ACO2: variants seen among roughly 807,000 people sequenced by gnomAD.
The protein encoded by ACO2 is aconitate hydratase, mitochondrial.
A neutral mutation model predicts 84.5 loss-of-function variants in ACO2; 31 were observed. The ratio of observed to expected loss-of-function variants is 0.37; its 90% CI spans 0.28 to 0.50. The LOEUF is 0.50. Ranked by LOEUF, ACO2 falls within the 20% of genes least tolerant of loss-of-function variation. The probability of loss-of-function intolerance (pLI) is 0.97; values close to 1 mark genes in which losing one functional copy is unlikely to be tolerated. For synonymous variants in ACO2, 414 were observed against 412.7 expected (o/e 1.00, Z -0.04); for missense variants, 685 against 1,029.3 (o/e 0.67, Z 4.58).
chr22:41,493,028 G>A (rs1395441318), intron 1 of ACO2, among the ~76,000 whole-genome samples: 1 of 152,192 alleles, frequency 6.6e-6, no homozygotes, highest in Admixed American at 6.5e-5. Flanking sequence ...TGCATCTGGT[G>A]AGGGCCATCA....
intron 4 of ACO2, chr22:41,512,264 A>G: frequency 3.0e-6 from 1 of 336,734 alleles, no homozygotes. Context: ...AAGCATCTCT[A>G]TTCCCATAAA....
chr22:41,518,589 C>T lies in ACO2; in HGVS notation c.1032+17C>T, dbSNP rs203319. On this transcript the variant is annotated intron_variant, in intron 8 of 17. Coordinates refer to ENST00000216254, the MANE Select transcript of ACO2 (RefSeq NM_001098.3). Reference sequence around the variant, plus strand: ...CTCAGTGAGGTGAGGAGACAATTAACTGGGTTCAAGAAGTTTCTGAGAGTA... The same window carrying T: ...CTCAGTGAGGTGAGGAGACAATTAATTGGGTTCAAGAAGTTTCTGAGAGTA... The T allele has an allele frequency of 0.26, 416,809 of 1,596,706 alleles. 66,512 individuals carry two copies. The highest frequency in any genetic ancestry group is 0.6 in the Admixed American group (36,008 of 59,880).
At chr22:41,490,125 C>G (rs1473198789) in intron 1 of ACO2, among the ~76,000 whole-genome samples, 1 of 152,116 alleles carries the variant, frequency 6.6e-6, no homozygotes, top group Non-Finnish European at 1.5e-5. Flanking sequence ...GAGTTCAAGA[C>G]CAGCCTGGCA....
chr22:41,494,824 C>T (rs973658170), intron 1 of ACO2, among the ~76,000 whole-genome samples: 3 of 151,888 alleles, frequency 2.0e-5, no homozygotes, highest in African/African-American at 7.3e-5. Flanking sequence ...ACCTCTGCCT[C>T]CTGGGTTCAA....
Position 41,515,489 on chromosome 22 carries a change from C to T in ACO2, c.638C>T (p.Ala213Val). The change falls in exon 5 of 18, where the codon GCT becomes GTT. Residue 213 changes from alanine to valine, a missense_variant. Physicochemically the swap from Ala to Val is moderately conservative, Grantham distance 64. Transcript: ENST00000216254. This position sits in a 1 kb window ranked among gnomAD's most constrained non-coding sequence, Gnocchi z 5.8. ...GICIGVGGAD[A>V]VDVMAGIPWE... ...TGCATTGGAGTTGGGGGTGCCGATGCTGTGGATGTCATGGCTGGGATCCCC... is the reference window on the plus strand; with the variant it reads ...TGCATTGGAGTTGGGGGTGCCGATGTTGTGGATGTCATGGCTGGGATCCCC... The T allele has an allele frequency of 6.2e-7, 1 of 1,613,712 alleles. No individual in the cohort carries two copies.
At chr22:41,518,270 C>T (rs537164127) in intron 7 of ACO2, among the ~76,000 whole-genome samples, 3 of 152,332 alleles carry the variant, frequency 2.0e-5, no homozygotes, top group East Asian at 1.9e-4. Flanking sequence ...CCTTAGCTGG[C>T]GCTCCTCCTC....
intron 1 of ACO2, among the ~76,000 whole-genome samples, chr22:41,482,641 G>T (rs2038102606): frequency 6.6e-6 from 1 of 152,218 alleles, no homozygotes; most frequent in Non-Finnish European, 1.5e-5. Context: ...GATTTGAAGG[G>T]CTGGTTGTGG....
At chr22:41,499,983 C>A in intron 2 of ACO2, 121 bp downstream of exon 2, 1 of 1,322,570 alleles carries the variant, frequency 7.6e-7, no homozygotes, top group Non-Finnish European at 1.1e-6. Flanking sequence ...TCAAGGTATT[C>A]AAGGTACAAA....
chr22:41,526,809 G>A (rs144117265), intron 15 of ACO2: 101 of 322,912 alleles, frequency 3.1e-4, no homozygotes, highest in Admixed American at 2.5e-3. Context: ...AGGGTCTGAG[G>A]TGATTGGACT....
chr22:41,506,406 C>T (rs1166399817), intron 2 of ACO2, among the ~76,000 whole-genome samples: 1 of 152,168 alleles, frequency 6.6e-6, no homozygotes, highest in African/African-American at 2.4e-5. Flanking sequence ...GCGCCCGCCA[C>T]CACGCCTGGC....
chr22:41,478,448 A>AAACCCTTTC (rs1327803777), intron 1 of ACO2, among the ~76,000 whole-genome samples: 1 of 152,196 alleles, frequency 6.6e-6, no homozygotes, highest in Non-Finnish European at 1.5e-5. Flanking sequence ...CTGGCCAAGA[A>AAACCCTTTC]AACCCTTTCA....
At chr22:41,480,656 A>G (rs2038075843) in intron 1 of ACO2, among the ~76,000 whole-genome samples, 2 of 152,174 alleles carry the variant, frequency 1.3e-5, no homozygotes, top group African/African-American at 4.8e-5. Context: ...ACCAAGCTCT[A>G]TGCCTTTCGT....
intron 4 of ACO2, among the ~76,000 whole-genome samples, chr22:41,513,721 A>G (rs1410544134): frequency 6.6e-6 from 1 of 152,216 alleles, no homozygotes; most frequent in Non-Finnish European, 1.5e-5. Flanking sequence ...AGGTCAGTAC[A>G]GAGCAGGTCC....
chr22:41,470,360 T>TA (rs1020624732), intron 1 of ACO2, among the ~76,000 whole-genome samples: 4 of 152,316 alleles, frequency 2.6e-5, no homozygotes, highest in Admixed American at 2.0e-4. Context: ...TACTTGAACT[T>TA]ATTTTTCATC....
intron 1 of ACO2, among the ~76,000 whole-genome samples, chr22:41,482,831 G>A (rs1390557397): frequency 6.6e-6 from 1 of 152,224 alleles, no homozygotes. Context: ...AACCACAGAA[G>A]GTTATACAGC....
At chr22:41,511,105 A>G (rs1049032419) in intron 3 of ACO2, among the ~76,000 whole-genome samples, 1 of 152,282 alleles carries the variant, frequency 6.6e-6, no homozygotes, top group African/African-American at 2.4e-5. Flanking sequence ...TCCTGGGCTC[A>G]AGTGATCTTC....
chr22:41,474,446 A>G (rs2037984418), intron 1 of ACO2, among the ~76,000 whole-genome samples: 1 of 149,760 alleles, frequency 6.7e-6, no homozygotes, highest in Non-Finnish European at 1.5e-5. Flanking sequence ...GGCGCCTGCC[A>G]CCACGTCTGG....
Position 41,526,258 on chromosome 22 carries a change from C to T in ACO2, c.1762-4C>T, listed in dbSNP as rs1187356864. 1.9e-6 allele frequency: 3 copies of T among 1,610,870 alleles called. No homozygotes were observed. Among genetic ancestry groups the T allele is most frequent in the Middle Eastern group, 2.2e-4 (1 of 4,470 alleles). On this transcript the variant is annotated splice_polypyrimidine_tract_variant and splice_region_variant and intron_variant, in intron 14 of 17. Coordinates refer to ENST00000216254, the MANE Select transcript of ACO2 (RefSeq NM_001098.3). ...ACCTCTGTCCTCTCTACTTACCACC[C>T]AAGGTCAAAGGGAAGTGTACCACTG...
rs1190313936 is a variant in ACO2, at chr22:41,523,200, G to T, written c.1297-5G>T. The T allele has an allele frequency of 2.5e-6, 4 of 1,611,072 alleles. No homozygotes were observed. The highest frequency in any genetic ancestry group is 3.4e-6 in the Non-Finnish European group (4 of 1,178,292). On this transcript the variant is annotated splice_polypyrimidine_tract_variant and splice_region_variant and intron_variant, in intron 10 of 17. Transcript: ENST00000216254. Reference sequence around the variant, plus strand: ...TGACATTCTGTCTTCCTCTCTCCCTGGCAGGCACAGATCTTGAGGGATCTG... The same window carrying T: ...TGACATTCTGTCTTCCTCTCTCCCTTGCAGGCACAGATCTTGAGGGATCTG...
Sources: gnomAD v4.1 joint callset for allele counts (sites outside exome capture counted in the v4.1 genomes callset) on GRCh38, gnomAD v4.1.1 for gene constraint, Gnocchi (gnomAD v3.1) non-coding constraint, MANE v1.5 for transcripts, NCBI Gene and HGNC (gene_info 2026-07-23, HGNC 2026-07-21) for gene names.